SKAP1: variants seen among roughly 807,000 people sequenced by gnomAD.
SKAP1 encodes src kinase associated phosphoprotein 1.
In SKAP1, 44 loss-of-function variants were observed where a neutral mutation model predicts 58.5. The ratio of observed to expected loss-of-function variants is 0.75; its 90% CI spans 0.59 to 0.97. The LOEUF (loss-of-function observed/expected upper bound fraction) is 0.97, where lower values mean the gene tolerates loss of function less well. Ranked by LOEUF, SKAP1 falls within the 50% of genes least tolerant of loss-of-function variation. SKAP1 has a pLI of 0.00. For synonymous variants in SKAP1, 127 were observed against 149.7 expected, an observed-to-expected ratio of 0.85 and a Z score of 1.11; for missense variants, 390 against 435.2, an observed-to-expected ratio of 0.90 and a Z score of 0.92.
chr17:48,263,006 A>T (rs2065501180), intron 4 of SKAP1, among the ~76,000 whole-genome samples: 2 of 152,088 alleles, frequency 1.3e-5, no homozygotes, highest in Non-Finnish European at 2.9e-5. Context: ...TTTCATGTGC[A>T]TTTTTTTTCA....
At chr17:48,170,427 C>T (rs754168787) in intron 10 of SKAP1, among the ~76,000 whole-genome samples, 182 bp downstream of exon 10, 1 of 152,192 alleles carries the variant, frequency 6.6e-6, no homozygotes, top group Non-Finnish European at 1.5e-5. Flanking sequence ...GAATGTATGG[C>T]TGCTTTTAAA....
Position 48,137,331 on chromosome 17 carries a change from T to G in SKAP1, c.985A>C (p.Asn329His). Residue 329 changes from asparagine (N) to histidine (H), a missense_variant, in exon 12 of 13, where the codon AAC (asparagine) becomes CAC (histidine). By Grantham distance (68) the Asn-to-His change is moderately conservative. Coordinates refer to ENST00000336915, the MANE Select transcript of SKAP1 (RefSeq NM_003726.4). ...TCTCCCACCCACCAGCCATACATGT[T>G]ATACTCCTGAAAAGTGAAAAGAGGA... ...DLIRILSKEY[N>H]MYGWWVGELN... The G allele has an allele frequency of 1.2e-6, 2 of 1,611,310 alleles. No individual in the cohort carries two copies. The highest frequency in any genetic ancestry group is 1.7e-6 in the Non-Finnish European group (2 of 1,177,480).
chr17:48,197,844 A>C (rs1223264033), intron 4 of SKAP1, among the ~76,000 whole-genome samples: 1 of 152,208 alleles, frequency 6.6e-6, no homozygotes, highest in Non-Finnish European at 1.5e-5. Context: ...ATTCCTACAA[A>C]GGGGCAACAC....
chr17:48,322,768 A>G (rs947048673), intron 4 of SKAP1, among the ~76,000 whole-genome samples: 5 of 152,252 alleles, frequency 3.3e-5, no homozygotes, highest in African/African-American at 7.2e-5. Flanking sequence ...CTGGGCACAT[A>G]GCCCCTGTGA....
intron 2 of SKAP1, among the ~76,000 whole-genome samples, chr17:48,369,792 G>A (rs2067060039): frequency 6.6e-6 from 1 of 152,196 alleles, no homozygotes; most frequent in Non-Finnish European, 1.5e-5. Flanking sequence ...TAATGGACAA[G>A]TGGACAAGTT....
intron 1 of SKAP1, among the ~76,000 whole-genome samples, chr17:48,421,831 A>T (rs2067797872): frequency 6.6e-6 from 1 of 152,186 alleles, no homozygotes; most frequent in Non-Finnish European, 1.5e-5. Flanking sequence ...AAAAGCAATG[A>T]AGCTAATTTT....
intron 4 of SKAP1, among the ~76,000 whole-genome samples, chr17:48,239,850 CAGAGAGAGAGAGAGAGAGAGAG>C (rs71141976): frequency 7.7e-6 from 1 of 129,774 alleles, no homozygotes; most frequent in Non-Finnish European, 1.6e-5. Flanking sequence ...GAGAGAGAGA[CAGAGAGAGAGAGAGAGAGAGAG>C]AGAGAATGAA....
chr17:48,430,035 T>C, intron 1 of SKAP1, 40 bp downstream of exon 1: 7 of 1,260,552 alleles, frequency 5.6e-6, no homozygotes, highest in Non-Finnish European at 6.0e-6. Flanking sequence ...CCTTTCGGCC[T>C]TCGGCTCAGC....
At chr17:48,306,112 T>G (rs2066138410) in intron 4 of SKAP1, among the ~76,000 whole-genome samples, 1 of 152,190 alleles carries the variant, frequency 6.6e-6, no homozygotes, top group Non-Finnish European at 1.5e-5. Flanking sequence ...ACAACTCAAA[T>G]CTGACAAATG....
At chr17:48,417,740 G>A (rs1375522022) in intron 1 of SKAP1, among the ~76,000 whole-genome samples, 4 of 107,678 alleles carry the variant, frequency 3.7e-5, no homozygotes, top group African/African-American at 4.2e-5. Context: ...GCGAGACTTC[G>A]TCTCAAAAAA....
intron 4 of SKAP1, among the ~76,000 whole-genome samples, chr17:48,242,407 C>T (rs2065252156): frequency 6.6e-6 from 1 of 152,178 alleles, no homozygotes; most frequent in South Asian, 2.1e-4. Flanking sequence ...CCTCCATTCT[C>T]CTTCTTTACT....
intron 2 of SKAP1, among the ~76,000 whole-genome samples, chr17:48,390,185 A>G (rs2067328186): frequency 6.6e-6 from 1 of 152,184 alleles, no homozygotes; most frequent in South Asian, 2.1e-4. Context: ...GAAACAAGAG[A>G]AAACATGCAA....
In SKAP1 at chr17:48,344,466, A is replaced by G. The variant is rs536005235; in HGVS notation, c.280+1439T>C. 2.0e-5 allele frequency among the ~76,000 whole-genome samples: 3 copies of G among 152,288 alleles called. No homozygotes were observed. In the South Asian group the frequency reaches 6.2e-4, roughly 32 times the overall value. On this transcript the variant is annotated intron_variant, in intron 4 of 12. Coordinates refer to ENST00000336915, the MANE Select transcript of SKAP1 (RefSeq NM_003726.4). ...TTTCTGGATTACTTATTGTGTTCTC[A>G]GTTGTGTTTGGGAAAGTTGGAAATA...
At chr17:48,266,955 C>CT (rs1201087582) in intron 4 of SKAP1, among the ~76,000 whole-genome samples, 1 of 152,120 alleles carries the variant, frequency 6.6e-6, no homozygotes, top group Non-Finnish European at 1.5e-5. Context: ...TGTGACTAGA[C>CT]TAACACTCAA....
chr17:48,365,695 CATAATA>C (rs1299233363), intron 2 of SKAP1, among the ~76,000 whole-genome samples: 1 of 151,940 alleles, frequency 6.6e-6, no homozygotes, highest in Non-Finnish European at 1.5e-5. Flanking sequence ...TTGCTATAGA[CATAATA>C]ACCTTCACAC....
intron 4 of SKAP1, among the ~76,000 whole-genome samples, chr17:48,255,057 C>G (rs1484662516): frequency 6.6e-6 from 1 of 152,074 alleles, no homozygotes; most frequent in East Asian, 1.9e-4. Context: ...TAGTACTCCT[C>G]CTTCAAATGC....
At chr17:48,428,485 A>G (rs1030776202) in intron 1 of SKAP1, among the ~76,000 whole-genome samples, 1 of 152,272 alleles carries the variant, frequency 6.6e-6, no homozygotes, top group Non-Finnish European at 1.5e-5. Flanking sequence ...GTTGTTTACC[A>G]AAGTGTCAGT....
At chr17:48,400,544 T>C (rs932824316) in intron 1 of SKAP1, among the ~76,000 whole-genome samples, 3 of 152,124 alleles carry the variant, frequency 2.0e-5, no homozygotes, top group Non-Finnish European at 2.9e-5. Flanking sequence ...GGCAGATCAT[T>C]TGAGCCCAGG....
chr17:48,292,928 A>T (rs573582700), intron 4 of SKAP1, among the ~76,000 whole-genome samples: 18 of 152,336 alleles, frequency 1.2e-4, no homozygotes, highest in African/African-American at 4.3e-4. Flanking sequence ...CTACTGTAAG[A>T]TTCTTGGTCT....
Sources: allele counts gnomAD v4.1 joint callset (sites outside exome capture counted in the v4.1 genomes callset), GRCh38; gene constraint gnomAD v4.1.1; transcripts MANE v1.5; gene names NCBI Gene and HGNC (gene_info 2026-07-23, HGNC 2026-07-21).